Variants in RBM20 observed in about 807,000 individuals in gnomAD.
The protein encoded by RBM20 is RNA binding motif protein 20, also known as RNA-binding protein 20.
A neutral mutation model predicts 110.1 loss-of-function variants in RBM20; 51 were observed. That is an observed-to-expected ratio of 0.46 (90% confidence interval 0.37 to 0.59). RBM20 has a LOEUF of 0.59. Among genes scored for constraint, RBM20 ranks in the 20% least tolerant of loss-of-function variants. The pLI is 0.00. For synonymous variants in RBM20, 589 were observed against 618.2 expected (o/e 0.95, Z 0.70); for missense variants, 1,512 against 1,574.9 (o/e 0.96, Z 0.68).
intron 13 of RBM20, among the ~76,000 whole-genome samples, chr10:110,832,975 T>G (rs1272210822): frequency 1.3e-5 from 2 of 152,110 alleles, no homozygotes; most frequent in Admixed American, 1.3e-4. Flanking sequence ...GAAGACATAA[T>G]CAATCCCTTT....
Position 110,824,355 on chromosome 10 carries a change from C to T in RBM20, c.3451+741C>T, listed in dbSNP as rs576701805. On this transcript the variant is annotated intron_variant, in intron 12 of 13. Coordinates refer to ENST00000369519, the MANE Select transcript of RBM20 (RefSeq NM_001134363.3). The stretch of plus-strand genomic sequence containing the variant: ...CCAGAACAATGCTACATATTTTTTT[C>T]TCTTTAAAGGACCAACTTTTCTGAG... Among the ~76,000 whole-genome samples, 10 of 152,186 alleles carry T rather than the reference C, an allele frequency of 6.6e-5. No individual in the cohort carries two copies. In the South Asian group the frequency reaches 1.9e-3, roughly 28 times the overall value.
chr10:110,653,302 T>G (rs1861977502), intron 1 of RBM20, among the ~76,000 whole-genome samples: 1 of 152,216 alleles, frequency 6.6e-6, no homozygotes, highest in Non-Finnish European at 1.5e-5. Flanking sequence ...AGGATATAAT[T>G]TGGACTGTAT....
chr10:110,707,601 C>A (rs1862861032), intron 1 of RBM20, among the ~76,000 whole-genome samples: 1 of 148,686 alleles, frequency 6.7e-6, no homozygotes, highest in South Asian at 2.1e-4. Context: ...CTGCCATTTG[C>A]AATAACATGA....
intron 7 of RBM20, among the ~76,000 whole-genome samples, chr10:110,805,259 A>G (rs1299245625): frequency 6.6e-6 from 1 of 152,218 alleles, no homozygotes; most frequent in Non-Finnish European, 1.5e-5. Flanking sequence ...AAGGGAAGAG[A>G]TTCCTAAACA....
chr10:110,831,281 T>A, intron 13 of RBM20, 99 bp downstream of exon 13: 2 of 1,334,962 alleles, frequency 1.5e-6, no homozygotes, highest in South Asian at 1.4e-5. Flanking sequence ...CCTCTGAGTC[T>A]AGCTCCTACC....
chr10:110,780,625 T>G (rs1029425847), intron 1 of RBM20, among the ~76,000 whole-genome samples, 176 bp from the exon 2 acceptor site: 6 of 151,906 alleles, frequency 3.9e-5, no homozygotes, highest in Non-Finnish European at 8.8e-5. Flanking sequence ...TTGGAGTTTT[T>G]TTTTTTTTTT....
chr10:110,679,711 C>T lies in RBM20; in HGVS notation c.191+35066C>T, dbSNP rs1041784062. ...CTCTGAAGGGCTGGGCAGGCAAAGCCACAGGCTGGCAGTCTGTCTGTCTGC... is the reference window on the plus strand; with the variant it reads ...CTCTGAAGGGCTGGGCAGGCAAAGCTACAGGCTGGCAGTCTGTCTGTCTGC... On this transcript the variant is annotated intron_variant, in intron 1 of 13. Transcript: ENST00000369519. Among the ~76,000 whole-genome samples the T allele has an allele frequency of 3.9e-5, 6 of 152,350 alleles. No individual in the cohort carries two copies. The South Asian group carries it at 1.2e-3, about 32-fold the overall frequency.
At chr10:110,732,817 G>A (rs894731522) in intron 1 of RBM20, among the ~76,000 whole-genome samples, 2 of 152,128 alleles carry the variant, frequency 1.3e-5, no homozygotes, top group South Asian at 4.1e-4. Flanking sequence ...CATTGACTGT[G>A]TTGACCTCTG....
At chr10:110,752,766 G>A (rs983704375) in intron 1 of RBM20, among the ~76,000 whole-genome samples, 13 of 151,774 alleles carry the variant, frequency 8.6e-5, no homozygotes, top group African/African-American at 2.9e-4. Context: ...AGAAGCCCTC[G>A]AGGGTCCCTC....
chr10:110,833,390 G>GGAAAAAAAAAAAAAA (rs1272026300), intron 13 of RBM20, among the ~76,000 whole-genome samples: 2 of 62,222 alleles, frequency 3.2e-5, no homozygotes, highest in South Asian at 8.6e-4. Context: ...CTCTGTCTCA[G>GGAAAAAAAAAAAAAA]AAAAAAAAAA....
At chr10:110,758,378 T>C (rs1238973137) in intron 1 of RBM20, among the ~76,000 whole-genome samples, 1 of 152,034 alleles carries the variant, frequency 6.6e-6, no homozygotes, top group Non-Finnish European at 1.5e-5. Context: ...AAGTGCAAGA[T>C]AAACAAGGTA....
At chr10:110,717,829 G>C (rs73356947) in intron 1 of RBM20, among the ~76,000 whole-genome samples, 4,856 of 152,240 alleles carry the variant, frequency 0.032, 188 homozygotes, top group Admixed American at 0.085. Flanking sequence ...CACTGGAGTG[G>C]GCAGGTGACC....
At position 110,838,367 on chromosome 10, in the gene RBM20, A is replaced by C. The variant is rs1304817498; in HGVS notation, c.*2389A>C. The C allele has an allele frequency of 6.6e-6, 1 of 152,208 alleles. No individual in the cohort carries two copies. Among genetic ancestry groups the C allele is most frequent in the African/African-American group, 2.4e-5 (1 of 41,460 alleles). 9.4% of individuals were successfully genotyped at this position (152,208 alleles called of 1,614,324 possible). ...AAGTCTGAAGATCACGGCTCAGCCC[A>C]GATTGTTCCCCTGGCCAACTCCACA... On this transcript the variant is annotated 3_prime_UTR_variant, in exon 14 of 14. Coordinates refer to ENST00000369519, the MANE Select transcript of RBM20 (RefSeq NM_001134363.3).
Position 110,790,757 on chromosome 10 carries a change from G to A in RBM20, c.1527+5868G>A, listed in dbSNP as rs142640048. On this transcript the variant is annotated intron_variant, in intron 5 of 13. Coordinates refer to ENST00000369519, the MANE Select transcript of RBM20 (RefSeq NM_001134363.3). ...ACGTAAATAGTTCCTATCTTATTGT[G>A]TAACTTCATTTTTGTATTTACCTTA... Among the ~76,000 whole-genome samples the A allele has an allele frequency of 9.2e-5, 14 of 152,072 alleles. No homozygotes were observed. The East Asian group carries it at 2.5e-3, about 27-fold the overall frequency.
rs969716149 is a variant in RBM20 at position 110,821,881 on chromosome 10, C to T, written c.3262C>T (p.Pro1088Ser). 3.9e-6 allele frequency: 6 copies of T among 1,551,590 alleles called. No individual in the cohort carries two copies. Among genetic ancestry groups the T allele is most frequent in the African/African-American group, 1.4e-5 (1 of 73,030 alleles). ...EGSPLEEKAS[P>S]PIETDLQNQA... is the part of the protein sequence containing the mutation. ...CAGCCCCCTGGAGGAGAAAGCCAGC[C>T]CCCCCATCGAAACTGACCTCCAAAA... Residue 1088 changes from proline (P) to serine (S), a missense_variant, in exon 11 of 14, where the codon CCC becomes TCC. By Grantham distance (74) the Pro-to-Ser change is moderately conservative. Around this residue, in one of 3 missense-constraint regions of RBM20, gnomAD observed 358 missense variants for 384.2 expected, o/e 0.93. Coordinates refer to ENST00000369519, the MANE Select transcript of RBM20 (RefSeq NM_001134363.3).
At chr10:110,694,329 G>A (rs1862630786) in intron 1 of RBM20, among the ~76,000 whole-genome samples, 1 of 152,174 alleles carries the variant, frequency 6.6e-6, no homozygotes, top group Non-Finnish European at 1.5e-5. Context: ...GTAAAGTTTA[G>A]AGCTTTGTAT....
chr10:110,760,598 G>A lies in RBM20; in HGVS notation c.192-20203G>A, dbSNP rs117463086. Reference sequence around the variant, plus strand: ...TGGGATTACAGGCACTAACCACCACGCACGGCTAATTTTTGTATTTTTAGT... The same window carrying A: ...TGGGATTACAGGCACTAACCACCACACACGGCTAATTTTTGTATTTTTAGT... On this transcript the variant is annotated intron_variant, in intron 1 of 13. Transcript: ENST00000369519. Among the ~76,000 whole-genome samples, 1,098 of 149,788 alleles carry A rather than the reference G, an allele frequency of 7.3e-3. 10 individuals carry two copies. The highest frequency in any genetic ancestry group is 0.025 in the African/African-American group (1,017 of 40,928).
intron 1 of RBM20, among the ~76,000 whole-genome samples, chr10:110,735,274 C>G (rs1480177144): frequency 6.6e-6 from 1 of 152,246 alleles, no homozygotes; most frequent in South Asian, 2.1e-4. Context: ...TTCTGGCAAC[C>G]AGTAGGGGTC....
At chr10:110,713,710 G>A (rs575822075) in intron 1 of RBM20, among the ~76,000 whole-genome samples, 10 of 152,222 alleles carry the variant, frequency 6.6e-5, no homozygotes, top group South Asian at 2.1e-4. Context: ...TGTCAGCCTC[G>A]CAACCATTCC....
Sources: gnomAD v4.1 joint callset for allele counts (sites outside exome capture counted in the v4.1 genomes callset) on GRCh38, gnomAD v4.1.1 for gene constraint, gnomAD v4.1.1 regional missense constraint, MANE v1.5 for transcripts, NCBI Gene and HGNC (gene_info 2026-07-23, HGNC 2026-07-21) for gene names.